NAALADL2: variants seen among roughly 807,000 people sequenced by gnomAD.
NAALADL2 encodes the protein inactive N-acetylated-alpha-linked acidic dipeptidase-like protein 2.
A neutral mutation model predicts 87.2 loss-of-function variants in NAALADL2; 76 were observed. That is an observed-to-expected ratio of 0.87 (90% confidence interval 0.72 to 1.05). NAALADL2 has a LOEUF of 1.05. Among genes scored for constraint, NAALADL2 ranks in the 50% least tolerant of loss-of-function variants. The pLI, the probability that NAALADL2 is intolerant of heterozygous loss-of-function variation, is 0.00. For missense variants in NAALADL2, 1,089 were observed against 945.8 expected (o/e 1.15, Z -1.99); for synonymous variants, 354 against 331.0 (o/e 1.07, Z -0.75).
At chr3:174,458,072 G>A (rs887833091) in intron 1 of NAALADL2, among the ~76,000 whole-genome samples, 1 of 152,104 alleles carries the variant, frequency 6.6e-6, no homozygotes, top group Non-Finnish European at 1.5e-5. Context: ...GAAATAATCT[G>A]TACAACAGAC....
intron 11 of NAALADL2, among the ~76,000 whole-genome samples, chr3:175,661,061 A>G (rs573180806): frequency 2.8e-4 from 43 of 151,946 alleles, no homozygotes; most frequent in Non-Finnish European, 4.6e-4. Context: ...TAGTTTTTTG[A>G]AGAACCCCCA....
chr3:175,525,615 CAG>C (rs1733287103), intron 9 of NAALADL2, among the ~76,000 whole-genome samples: 1 of 151,622 alleles, frequency 6.6e-6, no homozygotes, highest in Non-Finnish European at 1.5e-5. Context: ...TTGAGGAAAA[CAG>C]AATTAGTCAA....
chr3:175,465,251 C>CA (rs563877269), intron 7 of NAALADL2, among the ~76,000 whole-genome samples: 9,316 of 83,890 alleles, frequency 0.11, 419 homozygotes, highest in Non-Finnish European at 0.14. Flanking sequence ...GACTCTATCT[C>CA]AAAAAAAAAA....
chr3:174,849,511 C>T (rs1168697919), intron 3 of NAALADL2, among the ~76,000 whole-genome samples: 1 of 151,868 alleles, frequency 6.6e-6, no homozygotes. Flanking sequence ...CCGAGGCGGG[C>T]AGATCACAAG....
chr3:175,058,882 G>T (rs145706701), intron 1 of NAALADL2, among the ~76,000 whole-genome samples: 1 of 152,154 alleles, frequency 6.6e-6, no homozygotes, highest in Non-Finnish European at 1.5e-5. Context: ...TTGGTGAAAA[G>T]AAAAAGTAGT....
chr3:175,643,538 T>C (rs1729574808), intron 11 of NAALADL2, among the ~76,000 whole-genome samples: 1 of 152,216 alleles, frequency 6.6e-6, no homozygotes, highest in South Asian at 2.1e-4. Context: ...GAATTTAGTA[T>C]TGTAGTATCT....
chr3:175,429,959 A>G (rs1436104020), intron 5 of NAALADL2, among the ~76,000 whole-genome samples: 6 of 151,952 alleles, frequency 3.9e-5, no homozygotes, highest in East Asian at 1.9e-4. Context: ...GAGACACTAT[A>G]TTGGTGAGAG....
chr3:174,963,773 G>A (rs139708194), intron 1 of NAALADL2, among the ~76,000 whole-genome samples: 13 of 152,116 alleles, frequency 8.5e-5, no homozygotes, highest in African/African-American at 2.9e-4. Flanking sequence ...TTTAGAAAAT[G>A]CAGTGGTTTG....
chr3:174,593,376 T>G (rs772113354), intron 2 of NAALADL2, among the ~76,000 whole-genome samples: 15 of 152,122 alleles, frequency 9.9e-5, no homozygotes, highest in Non-Finnish European at 1.5e-4. Context: ...AATTCAGTGT[T>G]CACTTTTGAG....
intron 13 of NAALADL2, among the ~76,000 whole-genome samples, chr3:175,800,039 A>ATAGTT (rs1195968035): frequency 2.2e-4 from 34 of 152,194 alleles, no homozygotes; most frequent in Non-Finnish European, 1.8e-4. Flanking sequence ...TATTGAATAT[A>ATAGTT]TAGTTTATTC....
Position 175,012,805 on chromosome 3 carries a change from T to C in NAALADL2, c.44-83985T>C, listed in dbSNP as rs773205538. Among the ~76,000 whole-genome samples, 10 of 151,890 alleles carry C rather than the reference T, an allele frequency of 6.6e-5. No homozygotes were observed. In the Middle Eastern group the frequency reaches 0.014, roughly 207 times the overall value. On this transcript the variant is annotated intron_variant, in intron 1 of 13. Transcript: ENST00000454872. Reference sequence around the variant, plus strand: ...CCCTTTACAGGAAAGTTTGCCAAGCTCTATTCTAAAGATGTTCTTCCTGTT... The same window carrying C: ...CCCTTTACAGGAAAGTTTGCCAAGCCCTATTCTAAAGATGTTCTTCCTGTT...
chr3:175,262,166 C>T (rs1470559464), intron 4 of NAALADL2, among the ~76,000 whole-genome samples: 1 of 151,872 alleles, frequency 6.6e-6, no homozygotes. Flanking sequence ...AATGAATGGA[C>T]AATGGGAAGA....
chr3:174,614,447 G>A (rs529034763), intron 2 of NAALADL2, among the ~76,000 whole-genome samples: 2 of 152,254 alleles, frequency 1.3e-5, no homozygotes, highest in South Asian at 2.1e-4. Context: ...GTTGAGTTCG[G>A]TCTAGTTTTG....
chr3:174,851,437 C>T (rs1347834894), intron 3 of NAALADL2, among the ~76,000 whole-genome samples: 1 of 149,492 alleles, frequency 6.7e-6, no homozygotes, highest in Non-Finnish European at 1.5e-5. Flanking sequence ...GACATTACAA[C>T]CGATAGCTAA....
At position 175,803,257 on chromosome 3, in the gene NAALADL2, T is replaced by G; in HGVS notation, c.*54T>G. On this transcript the variant is annotated 3_prime_UTR_variant, in exon 14 of 14. Coordinates refer to ENST00000454872, the MANE Select transcript of NAALADL2 (RefSeq NM_207015.3). Reference sequence around the variant, plus strand: ...TTTACAATTCCACAAGCAAAAGCTCTAATTTAACCAGATTTTCTGACATTG... The same window carrying G: ...TTTACAATTCCACAAGCAAAAGCTCGAATTTAACCAGATTTTCTGACATTG... 12 of 1,347,662 alleles carry G rather than the reference T, an allele frequency of 8.9e-6. No homozygotes were observed. Among genetic ancestry groups the G allele is most frequent in the South Asian group, 1.4e-5 (1 of 71,976 alleles). The allele number at this position is 1,347,662 out of a possible 1,614,324, so 83.5% of individuals were successfully genotyped here. A position where few individuals can be genotyped will look rare whatever the true frequency, so the allele number is the denominator to read the frequency against.
At chr3:175,013,302 T>A (rs1750386076) in intron 1 of NAALADL2, among the ~76,000 whole-genome samples, 1 of 54,850 alleles carries the variant, frequency 1.8e-5, no homozygotes, top group African/African-American at 1.1e-4. Flanking sequence ...TATATATATA[T>A]TTTTTTTTTT....
chr3:174,875,591 A>G (rs1301851391), intron 1 of NAALADL2, among the ~76,000 whole-genome samples: 1 of 152,198 alleles, frequency 6.6e-6, no homozygotes, highest in Non-Finnish European at 1.5e-5. Flanking sequence ...AATTCACTTT[A>G]CATCCTAATA....
At chr3:175,465,636 C>A (rs1723895229) in intron 7 of NAALADL2, among the ~76,000 whole-genome samples, 1 of 151,964 alleles carries the variant, frequency 6.6e-6, no homozygotes. Flanking sequence ...CCAAGCCCAG[C>A]TAATTTTTGT....
At chr3:175,564,972 A>G (rs1181489882) in intron 9 of NAALADL2, among the ~76,000 whole-genome samples, 1 of 152,248 alleles carries the variant, frequency 6.6e-6, no homozygotes, top group Non-Finnish European at 1.5e-5. Flanking sequence ...GTGGCAAAGG[A>G]ATCCATGGAG....
Sources: allele counts gnomAD v4.1 joint callset (sites outside exome capture counted in the v4.1 genomes callset), GRCh38; gene constraint gnomAD v4.1.1; transcripts MANE v1.5; gene names NCBI Gene and HGNC (gene_info 2026-07-23, HGNC 2026-07-21).